NRL: variants seen among roughly 807,000 people sequenced by gnomAD.
The protein encoded by NRL is neural retina-specific leucine zipper protein.
In NRL, 16 loss-of-function variants were observed where a neutral mutation model predicts 12.5. The observed-to-expected ratio is 1.28, with a 90% CI of 0.87 to 1.95. The LOEUF is 1.95. Among genes scored for constraint, NRL ranks in the 30% most tolerant of loss-of-function variants. The pLI, the probability that NRL is intolerant of heterozygous loss-of-function variation, is 0.00. For synonymous variants in NRL, 142 were observed against 150.9 expected, an observed-to-expected ratio of 0.94 and a Z score of 0.43; for missense variants, 314 against 325.8, an observed-to-expected ratio of 0.96 and a Z score of 0.28.
chr14:24,086,489 T>G (rs2036468971), intron 1 of NRL, among the ~76,000 whole-genome samples: 1 of 152,046 alleles, frequency 6.6e-6, no homozygotes, highest in Non-Finnish European at 1.5e-5. Context: ...CTCAAAAGAA[T>G]AAAAAAGCCT....
intron 1 of NRL, chr14:24,099,495 C>T: frequency 6.8e-7 from 1 of 1,462,014 alleles, no homozygotes; most frequent in Non-Finnish European, 9.3e-7. Context: ...TGCCCTTCCC[C>T]ATGCAGACCA....
chr14:24,081,516 A>C lies in NRL; in HGVS notation c.434T>G (p.Leu145Arg). The change falls in exon 3 of 3, where the codon CTA (leucine) becomes CGA (arginine). Residue 145 changes from leucine to arginine, a missense_variant. Coordinates refer to ENST00000561028, the MANE Select transcript of NRL (RefSeq NM_001354768.3). This position sits in a 1 kb window ranked among gnomAD's most constrained non-coding sequence, Gnocchi z 4.4. ...AALVSMSVRE[L>R]NRQLRGCGRD... ...CCCGCAGCCCCGCAGCTGCCGGTTT[A>C]GCTCCCGCACAGACATCGAGACCAG... 2 of 1,603,652 alleles carry C rather than the reference A, an allele frequency of 1.2e-6. No individual in the cohort carries two copies. The highest frequency in any genetic ancestry group is 1.7e-6 in the Non-Finnish European group (2 of 1,176,678).
Position 24,082,861 on chromosome 14 carries a change from C to T in NRL, c.-13G>A. ...GGGGCAGGGCCATTCTGGAGCTGGG[C>T]TGGGAGGAGTGCACCTGCAAAGAGG... is the stretch of plus-strand genomic sequence containing the variant. On this transcript the variant is annotated 5_prime_UTR_variant, in exon 2 of 3. Transcript: ENST00000561028. 6.2e-7 allele frequency: 1 copy of T among 1,607,308 alleles called. No individual in the cohort carries two copies. The highest frequency in any genetic ancestry group is 8.5e-7 in the Non-Finnish European group (1 of 1,175,870).
intron 1 of NRL, among the ~76,000 whole-genome samples, chr14:24,108,363 G>A (rs528642954): frequency 6.6e-6 from 1 of 152,270 alleles, no homozygotes; most frequent in East Asian, 1.9e-4. Context: ...CTGGAAACAT[G>A]GTCTTGCTTT....
At chr14:24,099,718 A>T in intron 1 of NRL, 1 of 1,613,116 alleles carries the variant, frequency 6.2e-7, no homozygotes, top group South Asian at 1.1e-5. Flanking sequence ...TTTGACAGTG[A>T]AGGTGAGGGA....
chr14:24,085,664 G>T lies in NRL; in HGVS notation c.-27-2789C>A, dbSNP rs942957118. Among the ~76,000 whole-genome samples the T allele has an allele frequency of 6.6e-6, 1 of 152,164 alleles. No individual in the cohort carries two copies. Among genetic ancestry groups the T allele is most frequent in the Admixed American group, 6.5e-5 (1 of 15,286 alleles). On this transcript the variant is annotated intron_variant, in intron 1 of 2. Coordinates refer to ENST00000561028, the MANE Select transcript of NRL (RefSeq NM_001354768.3). This position sits in a 1 kb window ranked among gnomAD's most constrained non-coding sequence, Gnocchi z 4.1. ...ATAGTTCCTCTTTCTCAACACAGAG[G>T]CCTGGGTGTCCATCAGACCCCAAAG...
chr14:24,094,359 C>G lies in NRL; in HGVS notation c.-27-11484G>C, dbSNP rs1197275899. The G allele has an allele frequency of 1.3e-6, 2 of 1,515,636 alleles. No homozygotes were observed. The highest frequency in any genetic ancestry group is 2.4e-5 in the South Asian group (2 of 83,552). 93.9% of individuals were successfully genotyped at this position (1,515,636 alleles called of 1,614,324 possible). A position where few individuals can be genotyped will look rare whatever the true frequency, so the allele number is the denominator to read the frequency against. ...TCCTTCCCCGCCTTCCATACCTCCC[C>G]GGCTCCGCTCGGTTCCTGGCCACCC... On this transcript the variant is annotated intron_variant, in intron 1 of 2. Coordinates refer to ENST00000561028, the MANE Select transcript of NRL (RefSeq NM_001354768.3). This position sits in a 1 kb window ranked among gnomAD's most constrained non-coding sequence, Gnocchi z 4.1.
intron 1 of NRL, chr14:24,100,207 A>G: frequency 1.9e-6 from 3 of 1,614,184 alleles, no homozygotes; most frequent in Non-Finnish European, 2.5e-6. Context: ...CAAACCCTGG[A>G]AACCTGGTAT....
chr14:24,100,123 A>C (rs777730694), intron 1 of NRL: 1 of 1,613,462 alleles, frequency 6.2e-7, no homozygotes, highest in Non-Finnish European at 8.5e-7. Flanking sequence ...GGCTGAGACC[A>C]GTGATGGTGG....
intron 1 of NRL, chr14:24,098,715 C>T (rs778868207): frequency 6.4e-7 from 1 of 1,553,472 alleles, no homozygotes. Flanking sequence ...AACACAGAGG[C>T]CTTCTTGTAC....
At chr14:24,104,647 A>T (rs1219365823) in intron 1 of NRL, among the ~76,000 whole-genome samples, 1 of 150,464 alleles carries the variant, frequency 6.6e-6, no homozygotes, top group Non-Finnish European at 1.5e-5. Flanking sequence ...TCACAAAAAA[A>T]AAAAACAAAA....
Position 24,101,103 on chromosome 14 carries a change from C to T in NRL, c.-28+13619G>A, listed in dbSNP as rs186748336. ...TTCATCTAATCACCCTTTATTTTTA[C>T]TAACACCATCATTAAGCCCCCCTCA... On this transcript the variant is annotated intron_variant, in intron 1 of 2. Transcript: ENST00000561028. 4.6e-5 allele frequency among the ~76,000 whole-genome samples: 7 copies of T among 152,286 alleles called. No individual in the cohort carries two copies. The East Asian group carries it at 1.3e-3, about 29-fold the overall frequency.
At chr14:24,099,370 G>A in intron 1 of NRL, 1 of 1,048,368 alleles carries the variant, frequency 9.5e-7, no homozygotes, top group Non-Finnish European at 1.4e-6. Flanking sequence ...AAGGCCCAAA[G>A]CTTTGGCCTC....
intron 1 of NRL, chr14:24,095,298 A>G: frequency 4.4e-6 from 2 of 451,534 alleles, no homozygotes; most frequent in South Asian, 3.1e-5. Flanking sequence ...GGCTCCAGGG[A>G]GAGAGAGGCT....
intron 1 of NRL, chr14:24,103,848 T>C (rs141040453): frequency 1.2e-6 from 2 of 1,614,104 alleles, no homozygotes; most frequent in Non-Finnish European, 1.7e-6. Context: ...CAAGGACTTC[T>C]GGGAACAGGA....
intron 1 of NRL, chr14:24,099,454 T>C (rs1210032643): frequency 1.7e-6 from 2 of 1,158,682 alleles, no homozygotes; most frequent in African/African-American, 1.5e-5. Context: ...ATATAGTTAA[T>C]AAACATTGGT....
rs1232418387 is a variant in NRL, at chr14:24,081,364, C to T, written c.586G>A (p.Ala196Thr). The change falls in exon 3 of 3, where the codon GCC becomes ACC. Residue 196 changes from alanine (A) to threonine (T), a missense_variant. By Grantham distance (58) the Ala-to-Thr change is moderately conservative. Transcript: ENST00000561028. This position sits in a 1 kb window ranked among gnomAD's most constrained non-coding sequence, Gnocchi z 4.4. ...GLEAERARLA[A>T]QLDALRAEVA... ...TCGGCCCGCAGCGCGTCCAGCTGGG[C>T]GGCCAGGCGGGCGCGCTCGGCCTCC... 1 of 1,441,678 alleles carries T rather than the reference C, an allele frequency of 6.9e-7. No individual in the cohort carries two copies. The highest frequency in any genetic ancestry group is 9.1e-7 in the Non-Finnish European group (1 of 1,098,772). 89.3% of individuals were successfully genotyped at this position (1,441,678 alleles called of 1,614,324 possible).
chr14:24,096,024 C>T (rs1566572838), intron 1 of NRL, among the ~76,000 whole-genome samples: 1 of 152,166 alleles, frequency 6.6e-6, no homozygotes, highest in Non-Finnish European at 1.5e-5. Flanking sequence ...ACTGGAAAGA[C>T]TGTGACCTTT....
At chr14:24,100,768 C>T (rs981296647) in intron 1 of NRL, among the ~76,000 whole-genome samples, 22 of 152,266 alleles carry the variant, frequency 1.4e-4, no homozygotes, top group African/African-American at 5.1e-4. Flanking sequence ...GTATTGTTAC[C>T]GTCACCCTTC....
Sources: allele counts gnomAD v4.1 joint callset (sites outside exome capture counted in the v4.1 genomes callset), GRCh38; gene constraint gnomAD v4.1.1; non-coding constraint Gnocchi (gnomAD v3.1); transcripts MANE v1.5; gene names NCBI Gene and HGNC (gene_info 2026-07-23, HGNC 2026-07-21).